Variants in DYNC2LI1 observed in about 807,000 individuals in gnomAD.
DYNC2LI1 encodes the protein dynein cytoplasmic 2 light intermediate chain 1.
DYNC2LI1 carries 45 observed loss-of-function variants against 51.9 expected under a neutral mutation model. That is an observed-to-expected ratio of 0.87 (90% CI 0.68 to 1.11). The LOEUF is 1.11. Among genes scored for constraint, DYNC2LI1 ranks in the 50% most tolerant of loss-of-function variants. DYNC2LI1 has a pLI of 0.00. For synonymous variants in DYNC2LI1, 130 were observed against 137.8 expected (o/e 0.94, Z 0.40); for missense variants, 490 against 417.4 (o/e 1.17, Z -1.51).
chr2:43,806,073 G>A (rs1028806842), intron 12 of DYNC2LI1, among the ~76,000 whole-genome samples: 3 of 151,756 alleles, frequency 2.0e-5, no homozygotes, highest in Admixed American at 1.3e-4. Context: ...TAGTAGAAAC[G>A]GGGTTTCACC....
chr2:43,775,930 C>T lies in DYNC2LI1; in HGVS notation c.9-852C>T, dbSNP rs556054006. 1.8e-5 allele frequency: 3 copies of T among 167,942 alleles called. No homozygotes were observed. In the South Asian group the frequency reaches 2.8e-4, roughly 16 times the overall value. 10.4% of individuals were successfully genotyped at this position (167,942 alleles called of 1,614,324 possible). A position where few individuals can be genotyped will look rare whatever the true frequency, so the allele number is the denominator to read the frequency against. ...ATGTTGGCCAGGCTGGTCTTGAACT[C>T]CTGACCTCAAGTGATCCACCCACCT... On this transcript the variant is annotated intron_variant, in intron 1 of 12. Transcript: ENST00000260605.
At chr2:43,785,864 T>C (rs1211939920) in intron 3 of DYNC2LI1, among the ~76,000 whole-genome samples, 1 of 152,000 alleles carries the variant, frequency 6.6e-6, no homozygotes, top group Non-Finnish European at 1.5e-5. Flanking sequence ...AGTTTCAGTT[T>C]TGTGAGATGA....
At chr2:43,827,993 G>A in the DYNC2LI1 span, 1 of 1,613,890 alleles carries the variant, frequency 6.2e-7, no homozygotes, top group Admixed American at 1.7e-5. Flanking sequence ...TAGGATCCTG[G>A]AGCAGCTGGG....
intron 5 of DYNC2LI1, among the ~76,000 whole-genome samples, chr2:43,792,523 A>C (rs1673838064): frequency 6.6e-6 from 1 of 152,236 alleles, no homozygotes; most frequent in Non-Finnish European, 1.5e-5. Flanking sequence ...TTGTCGTAAA[A>C]TATACATAGC....
At chr2:43,827,063 G>A in the DYNC2LI1 span, among the ~76,000 whole-genome samples, 15 of 152,130 alleles carry the variant, frequency 9.9e-5, no homozygotes, top group Admixed American at 5.9e-4. Context: ...GGTGGCTCAC[G>A]CCTGTAATGC....
At chr2:43,815,210 C>A in the DYNC2LI1 span, among the ~76,000 whole-genome samples, 1 of 152,184 alleles carries the variant, frequency 6.6e-6, no homozygotes, top group Non-Finnish European at 1.5e-5. Context: ...AAATATGTCT[C>A]CTCTCCAATC....
the DYNC2LI1 span, chr2:43,819,872 A>T: frequency 2.5e-6 from 4 of 1,598,060 alleles, no homozygotes; most frequent in Non-Finnish European, 3.4e-6. Flanking sequence ...ATCATTAATA[A>T]CAGATTATCC....
downstream of DYNC2LI1, chr2:43,812,432 C>A (rs934692404): frequency 1.3e-5 from 2 of 149,544 alleles, no homozygotes; most frequent in Non-Finnish European, 3.0e-5. Flanking sequence ...GCAAACGAAT[C>A]TTTAAAAACA....
intron 8 of DYNC2LI1, among the ~76,000 whole-genome samples, chr2:43,797,219 G>C (rs554628557): frequency 6.6e-6 from 1 of 152,266 alleles, no homozygotes; most frequent in African/African-American, 2.4e-5. Flanking sequence ...GAAATCTGAA[G>C]TCATGCTCCC....
chr2:43,801,395 A>G (rs1288211759), intron 9 of DYNC2LI1: 10 of 300,324 alleles, frequency 3.3e-5, no homozygotes, highest in Middle Eastern at 9.7e-4. Context: ...TAGCCTTGCT[A>G]CTTCTCTTGG....
the DYNC2LI1 span, among the ~76,000 whole-genome samples, chr2:43,820,392 G>A: frequency 6.6e-6 from 1 of 152,172 alleles, no homozygotes; most frequent in East Asian, 1.9e-4. Context: ...ACAACTAACC[G>A]CAGTAAGCAG....
the DYNC2LI1 span, chr2:43,827,968 C>G: frequency 6.2e-7 from 1 of 1,613,854 alleles, no homozygotes; most frequent in Non-Finnish European, 8.5e-7. Flanking sequence ...AGTAACAGTT[C>G]TGGGTGCCAC....
chr2:43,805,232 A>G lies in DYNC2LI1; in HGVS notation c.979A>G (p.Ile327Val). The G allele has an allele frequency of 6.2e-7, 1 of 1,603,836 alleles. No individual in the cohort carries two copies. Among genetic ancestry groups the G allele is most frequent in the African/African-American group, 1.3e-5 (1 of 74,816 alleles). ...TGAAAATGAAGTCGATGAGATGAGA[A>G]TTCAGAAGGATCTGGTATTATCCTA... Reference protein sequence around the residue: ...YAENEVDEMRIQKDLELEQYK... With the variant: ...YAENEVDEMRVQKDLELEQYK... Residue 327 changes from isoleucine to valine, a missense_variant, in exon 12 of 13, where the codon ATT becomes GTT. Physicochemically the swap from Ile to Val is conservative, Grantham distance 29. Coordinates refer to ENST00000260605, the MANE Select transcript of DYNC2LI1 (RefSeq NM_016008.4).
At chr2:43,801,775 G>T in intron 10 of DYNC2LI1, 66 bp downstream of exon 10, 1 of 1,228,182 alleles carries the variant, frequency 8.1e-7, no homozygotes, top group African/African-American at 1.5e-5. Flanking sequence ...CCTACTCCAT[G>T]TTCACTTTGT....
Position 43,794,501 on chromosome 2 carries a change from A to T in DYNC2LI1, c.365A>T (p.Asp122Val), listed in dbSNP as rs1447069959. The T allele has an allele frequency of 2.5e-6, 4 of 1,613,932 alleles. No individual in the cohort carries two copies. Among genetic ancestry groups the T allele is most frequent in the Non-Finnish European group, 3.4e-6 (4 of 1,179,932 alleles). Residue 122 changes from aspartate (D) to valine (V), a missense_variant, in exon 6 of 13, where the codon GAT becomes GTT. Coordinates refer to ENST00000260605, the MANE Select transcript of DYNC2LI1 (RefSeq NM_016008.4). ...VLVLDLSKPN[D>V]LWPTMENLLQ... ...GTTCTGGATCTTTCAAAACCTAATG[A>T]TCTCTGGCCCACCATGGAAAATCTC...
At chr2:43,784,855 A>G (rs1673447159) in intron 3 of DYNC2LI1, among the ~76,000 whole-genome samples, 1 of 152,204 alleles carries the variant, frequency 6.6e-6, no homozygotes, top group Admixed American at 6.5e-5. Context: ...GCTTGATAAA[A>G]TTTCTATCTT....
chr2:43,824,629 G>A, the DYNC2LI1 span: 641 of 985,408 alleles, frequency 6.5e-4, 4 homozygotes, highest in African/African-American at 0.011. Flanking sequence ...GGATTGTCTG[G>A]GAGAATTCAG....
chr2:43,802,989 G>T (rs1666124972), intron 10 of DYNC2LI1, among the ~76,000 whole-genome samples: 1 of 152,062 alleles, frequency 6.6e-6, no homozygotes, highest in African/African-American at 2.4e-5. Flanking sequence ...CATTTAACAG[G>T]ATAGCTAAAA....
rs535861704 is a variant in DYNC2LI1 at position 43,804,447 on chromosome 2, C to T, written c.803-195C>T. Among the ~76,000 whole-genome samples, 55 of 152,270 alleles carry T rather than the reference C, an allele frequency of 3.6e-4. No homozygotes were observed. In the South Asian group the frequency reaches 0.011, roughly 32 times the overall value. Reference sequence around the variant, plus strand: ...CAGTTTACCCATTACTCTTTGCCTCCTCTTCTTTCAGTACTAGAATCTGTC... The same window carrying T: ...CAGTTTACCCATTACTCTTTGCCTCTTCTTCTTTCAGTACTAGAATCTGTC... On this transcript the variant is annotated intron_variant, in intron 10 of 12. Coordinates refer to ENST00000260605, the MANE Select transcript of DYNC2LI1 (RefSeq NM_016008.4).
Sources: allele counts gnomAD v4.1 joint callset (sites outside exome capture counted in the v4.1 genomes callset), GRCh38; gene constraint gnomAD v4.1.1; transcripts MANE v1.5; gene names NCBI Gene and HGNC (gene_info 2026-07-23, HGNC 2026-07-21).